PAX3: variants seen among roughly 807,000 people sequenced by gnomAD.
PAX3 encodes the protein paired box protein Pax-3.
In PAX3, 14 loss-of-function variants were observed where a neutral mutation model predicts 51.6. That is an observed-to-expected ratio of 0.27 (90% confidence interval 0.18 to 0.42). PAX3 has a LOEUF of 0.42. Ranked by LOEUF, PAX3 falls within the 10% of genes least tolerant of loss-of-function variation. PAX3 has a pLI of 1.00. For missense variants in PAX3, 540 were observed against 642.8 expected (o/e 0.84, Z 1.73); for synonymous variants, 280 against 253.4 (o/e 1.11, Z -1.00).
rs574347844 is a variant in PAX3, at chr2:222,294,515, T to C, written c.452-214A>G. Among the ~76,000 whole-genome samples, 12 of 152,132 alleles carry C rather than the reference T, an allele frequency of 7.9e-5. No individual in the cohort carries two copies. In the South Asian group the frequency reaches 2.3e-3, roughly 29 times the overall value. ...CAAACCCCCCTCCCTATTATCTGTA[T>C]CTCGGTACTGAAAGACGGAGGCTGG... On this transcript the variant is annotated intron_variant, in intron 3 of 8. Transcript: ENST00000392070.
intron 1 of PAX3, chr2:222,298,260 G>C: frequency 2.0e-6 from 1 of 502,680 alleles, no homozygotes; most frequent in East Asian, 3.2e-5. Context: ...CTTCTCCACC[G>C]CGGCATTTCC....
chr2:222,274,026 T>C (rs1694337774), intron 4 of PAX3, among the ~76,000 whole-genome samples: 1 of 152,188 alleles, frequency 6.6e-6, no homozygotes, highest in Non-Finnish European at 1.5e-5. Context: ...AATCCTAATG[T>C]GAGAAATTCA....
intron 4 of PAX3, among the ~76,000 whole-genome samples, chr2:222,278,479 C>A (rs184049431): frequency 6.6e-6 from 1 of 152,340 alleles, no homozygotes; most frequent in Admixed American, 6.5e-5. Flanking sequence ...CCCCACAGTT[C>A]CTTCCTAGTC....
At position 222,274,379 on chromosome 2, in the gene PAX3, A is replaced by T. The variant is rs554458378; in HGVS notation, c.586+19788T>A. ...AAAATCCCTCTGACCAACTATAAAAATAATCATCTTCGTACTTTAAATTTT... is the reference window on the plus strand; with the variant it reads ...AAAATCCCTCTGACCAACTATAAAATTAATCATCTTCGTACTTTAAATTTT... On this transcript the variant is annotated intron_variant, in intron 4 of 8. Transcript: ENST00000392070. Among the ~76,000 whole-genome samples, 65 of 152,146 alleles carry T rather than the reference A, an allele frequency of 4.3e-4. No homozygotes were observed. The South Asian group carries it at 0.011, about 27-fold the overall frequency.
intron 4 of PAX3, among the ~76,000 whole-genome samples, chr2:222,239,492 G>A (rs560160294): frequency 6.6e-6 from 1 of 152,134 alleles, no homozygotes; most frequent in Non-Finnish European, 1.5e-5. Flanking sequence ...TTTTAAAATT[G>A]TATATATGTT....
At chr2:222,249,243 C>T (rs1440865201) in intron 4 of PAX3, among the ~76,000 whole-genome samples, 1 of 152,142 alleles carries the variant, frequency 6.6e-6, no homozygotes, top group Non-Finnish European at 1.5e-5. Flanking sequence ...AAAATAAAAA[C>T]ATAAGAGCAT....
rs181285634 is a variant in PAX3, at chr2:222,260,751, C to T, written c.587-28468G>A. 2.8e-3 allele frequency among the ~76,000 whole-genome samples: 424 copies of T among 151,784 alleles called. 1 individual carries two copies. The highest frequency in any genetic ancestry group is 4.1e-3 in the Admixed American group (63 of 15,248). Reference sequence around the variant, plus strand: ...AATTACAGGTGTGAACCCCCATGCCCGGCTAATTTTTCTATTTTTAGTAGA... The same window carrying T: ...AATTACAGGTGTGAACCCCCATGCCTGGCTAATTTTTCTATTTTTAGTAGA... On this transcript the variant is annotated intron_variant, in intron 4 of 8. Transcript: ENST00000392070.
At chr2:222,293,490 C>T (rs1574762424) in intron 4 of PAX3, 1 of 727,324 alleles carries the variant, frequency 1.4e-6, no homozygotes, top group Non-Finnish European at 2.2e-6. Flanking sequence ...GGGATCTGTA[C>T]CCCTAGAAGA....
At chr2:222,295,431 C>T in intron 3 of PAX3, 97 bp downstream of exon 3, 1 of 1,437,552 alleles carries the variant, frequency 7.0e-7, no homozygotes, top group Non-Finnish European at 9.8e-7. Flanking sequence ...CTCCCAATAG[C>T]TGAGATCGAT....
chr2:222,248,505 G>A (rs750887150), intron 4 of PAX3, among the ~76,000 whole-genome samples: 11 of 152,136 alleles, frequency 7.2e-5, no homozygotes, highest in African/African-American at 1.2e-4. Flanking sequence ...CATACACACC[G>A]TGCCTTTCCT....
intron 4 of PAX3, among the ~76,000 whole-genome samples, chr2:222,284,212 G>T (rs1345150739): frequency 6.6e-6 from 1 of 152,178 alleles, no homozygotes; most frequent in Non-Finnish European, 1.5e-5. Flanking sequence ...AATGAAGCAG[G>T]CTGAAGAGGG....
chr2:222,258,589 T>C (rs1208300672), intron 4 of PAX3, among the ~76,000 whole-genome samples: 1 of 152,194 alleles, frequency 6.6e-6, no homozygotes, highest in African/African-American at 2.4e-5. Flanking sequence ...ACACTTTTTC[T>C]GAAGATGCCT....
At chr2:222,222,564 C>T (rs774763155) in intron 5 of PAX3, among the ~76,000 whole-genome samples, 3 of 152,078 alleles carry the variant, frequency 2.0e-5, no homozygotes, top group Non-Finnish European at 2.9e-5. Flanking sequence ...CCACCATGCC[C>T]AGCTAATTTT....
intron 4 of PAX3, among the ~76,000 whole-genome samples, chr2:222,273,804 G>A (rs1242327370): frequency 6.6e-6 from 1 of 151,372 alleles, no homozygotes; most frequent in Non-Finnish European, 1.5e-5. Flanking sequence ...CTTCCTTTAG[G>A]TAATTTGACA....
chr2:222,213,540 A>T (rs1428228562), intron 7 of PAX3, among the ~76,000 whole-genome samples: 1 of 152,164 alleles, frequency 6.6e-6, no homozygotes, highest in Non-Finnish European at 1.5e-5. Context: ...ATCAGCACAC[A>T]AACTGCTTTA....
chr2:222,290,266 TC>T (rs1407398778), intron 4 of PAX3, among the ~76,000 whole-genome samples: 1 of 152,216 alleles, frequency 6.6e-6, no homozygotes, highest in Non-Finnish European at 1.5e-5. Context: ...AAAGCTGAAG[TC>T]GTCCTCGTTA....
chr2:222,227,014 C>A (rs1692410222), intron 5 of PAX3, among the ~76,000 whole-genome samples: 1 of 151,884 alleles, frequency 6.6e-6, no homozygotes, highest in Admixed American at 6.6e-5. Context: ...CCTGGTGGGG[C>A]ATGAACCCCA....
At chr2:222,248,068 C>T (rs368683425) in intron 4 of PAX3, among the ~76,000 whole-genome samples, 9 of 152,146 alleles carry the variant, frequency 5.9e-5, no homozygotes, top group African/African-American at 1.9e-4. Flanking sequence ...TCATCTATTG[C>T]TTAGTATTAT....
Position 222,211,207 on chromosome 2 carries a change from A to G in PAX3, c.1173+8933T>C, listed in dbSNP as rs541691717. ...ACAACAATAATGAAACCCTGTTGCA[A>G]TAGCATTAGTACTTTATCAAAAATC... On this transcript the variant is annotated intron_variant, in intron 7 of 8. Coordinates refer to ENST00000392070, the MANE Select transcript of PAX3 (RefSeq NM_181458.4). Among the ~76,000 whole-genome samples the G allele has an allele frequency of 1.2e-3, 179 of 152,322 alleles. 1 individual carries two copies. The highest frequency in any genetic ancestry group is 3.4e-3 in the African/African-American group (140 of 41,584).
Sources: allele counts gnomAD v4.1 joint callset (sites outside exome capture counted in the v4.1 genomes callset), GRCh38; gene constraint gnomAD v4.1.1; transcripts MANE v1.5; gene names NCBI Gene and HGNC (gene_info 2026-07-23, HGNC 2026-07-21).